The following ASTN1 variants were observed in gnomAD, a reference collection of about 807,000 sequenced individuals.
ASTN1 encodes the protein astrotactin-1.
ASTN1 carries 41 observed loss-of-function variants against 140.7 expected under a neutral mutation model. The ratio of observed to expected loss-of-function variants is 0.29; its 90% CI spans 0.23 to 0.38. ASTN1 has a LOEUF of 0.38. Ranked by LOEUF, ASTN1 falls within the 10% of genes least tolerant of loss-of-function variation. The probability of loss-of-function intolerance (pLI) is 1.00; values close to 1 mark genes in which losing one functional copy is unlikely to be tolerated. For missense variants in ASTN1, 1,479 were observed against 1,678.8 expected (o/e 0.88, Z 2.08); for synonymous variants, 640 against 652.2 (o/e 0.98, Z 0.29).
intron 8 of ASTN1, among the ~76,000 whole-genome samples, chr1:176,985,857 C>T (rs1673876324): frequency 6.8e-6 from 1 of 146,572 alleles, no homozygotes; most frequent in Non-Finnish European, 1.5e-5. Flanking sequence ...CACACACACA[C>T]ACACACACAC....
chr1:177,115,842 C>T (rs1681060854), intron 1 of ASTN1, among the ~76,000 whole-genome samples: 1 of 151,130 alleles, frequency 6.6e-6, no homozygotes. Flanking sequence ...TTCAGGTCTT[C>T]CTCTATGCCG....
intron 1 of ASTN1, among the ~76,000 whole-genome samples, chr1:177,110,631 A>G (rs372800420): frequency 7.9e-5 from 12 of 152,322 alleles, no homozygotes; most frequent in African/African-American, 2.6e-4. Flanking sequence ...GCTGAATGTA[A>G]CTTTTCACTC....
downstream of ASTN1, among the ~76,000 whole-genome samples, chr1:176,859,366 C>T (rs1340677499): frequency 1.3e-5 from 2 of 152,120 alleles, no homozygotes; most frequent in Admixed American, 1.3e-4. Flanking sequence ...TGGATGTAGC[C>T]CAGCCTCCAT....
chr1:176,982,160 G>C (rs1373585952), intron 8 of ASTN1, among the ~76,000 whole-genome samples: 1 of 152,196 alleles, frequency 6.6e-6, no homozygotes, highest in Non-Finnish European at 1.5e-5. Flanking sequence ...TTCTCCAGGG[G>C]ACTGGCCAAC....
chr1:176,875,487 T>A (rs774098941), intron 21 of ASTN1, among the ~76,000 whole-genome samples: 1 of 152,238 alleles, frequency 6.6e-6, no homozygotes, highest in African/African-American at 2.4e-5. Context: ...AGATTAAAGA[T>A]GAAAATCTTT....
At position 177,008,928 on chromosome 1, in the gene ASTN1, G is replaced by A. The variant is rs1675148247; in HGVS notation, c.1523+5863C>T. The stretch of plus-strand genomic sequence containing the variant: ...TGAGAGGTCGGATGAAGGTGAACGG[G>A]ACAGCAGTGACATGGAAACCAGCAA... On this transcript the variant is annotated intron_variant, in intron 8 of 22. Transcript: ENST00000361833. Among the ~76,000 whole-genome samples, 6 of 152,150 alleles carry A rather than the reference G, an allele frequency of 3.9e-5. No individual in the cohort carries two copies. The South Asian group carries it at 1.2e-3, about 32-fold the overall frequency.
intron 1 of ASTN1, among the ~76,000 whole-genome samples, chr1:177,154,364 A>G (rs1477959269): frequency 6.6e-6 from 1 of 152,186 alleles, no homozygotes; most frequent in Non-Finnish European, 1.5e-5. Context: ...TTTAAAATTA[A>G]ACTCATTAAA....
At chr1:177,138,519 A>G (rs968055267) in intron 1 of ASTN1, among the ~76,000 whole-genome samples, 5 of 152,176 alleles carry the variant, frequency 3.3e-5, no homozygotes, top group African/African-American at 1.2e-4. Flanking sequence ...GAGGCTGCTG[A>G]CCCAGATATA....
intron 1 of ASTN1, among the ~76,000 whole-genome samples, chr1:177,084,277 C>G (rs1300549660): frequency 6.6e-6 from 1 of 152,162 alleles, no homozygotes; most frequent in Non-Finnish European, 1.5e-5. Context: ...GGGCAAGAGA[C>G]CCATCTAGTT....
chr1:177,107,958 G>T lies in ASTN1; in HGVS notation c.284-46693C>A, dbSNP rs552678518. On this transcript the variant is annotated intron_variant, in intron 1 of 22. Transcript: ENST00000361833. ...TAAGGGATGTTACAAAAGGGAAGAAGTTGCAATCAATTTAACCAACAGTTG... is the reference window on the plus strand; with the variant it reads ...TAAGGGATGTTACAAAAGGGAAGAATTTGCAATCAATTTAACCAACAGTTG... Among the ~76,000 whole-genome samples, 274 of 152,242 alleles carry T rather than the reference G, an allele frequency of 1.8e-3. 2 individuals carry two copies. The highest frequency in any genetic ancestry group is 2.7e-3 in the Non-Finnish European group (187 of 68,002).
downstream of ASTN1, among the ~76,000 whole-genome samples, chr1:176,859,278 T>G (rs1430602244): frequency 6.6e-6 from 1 of 152,166 alleles, no homozygotes; most frequent in East Asian, 1.9e-4. Flanking sequence ...TCAGAAGTAT[T>G]AGGATACAGT....
At chr1:177,034,986 A>G (rs1274800211) in intron 2 of ASTN1, among the ~76,000 whole-genome samples, 4 of 152,176 alleles carry the variant, frequency 2.6e-5, no homozygotes, top group African/African-American at 9.7e-5. Flanking sequence ...CTCCTTTCAG[A>G]TGATCACAAC....
At position 176,882,988 on chromosome 1, in the gene ASTN1, A is replaced by T; in HGVS notation, c.3233T>A (p.Val1078Glu). 2 of 1,614,160 alleles carry T rather than the reference A, an allele frequency of 1.2e-6. No individual in the cohort carries two copies. Among genetic ancestry groups the T allele is most frequent in the Non-Finnish European group, 1.7e-6 (2 of 1,180,020 alleles). Residue 1078 changes from valine (V) to glutamate (E), a missense_variant, in exon 20 of 23, where the codon GTG becomes GAG. Coordinates refer to ENST00000361833, the MANE Select transcript of ASTN1 (RefSeq NM_004319.3). ...MDHSKVETET[V>E]LSFVDDIISG... The stretch of plus-strand genomic sequence containing the variant: ...GATGATGTCGTCCACAAAGCTCAGC[A>T]CTGTTTCTGCCCAGAGGAGAAGGAA...
intron 8 of ASTN1, among the ~76,000 whole-genome samples, chr1:177,008,454 G>GAAGAGAGAGA (rs1163184348): frequency 3.4e-5 from 5 of 146,430 alleles, no homozygotes; most frequent in Non-Finnish European, 7.5e-5. Flanking sequence ...AGAGGGAGAG[G>GAAGAGAGAGA]GAGAGGAAGA....
intron 1 of ASTN1, among the ~76,000 whole-genome samples, chr1:177,071,484 T>A (rs148912732): frequency 6.6e-6 from 1 of 152,218 alleles, no homozygotes; most frequent in Non-Finnish European, 1.5e-5. Context: ...TCATCATAAA[T>A]GCCAAGAAGT....
intron 16 of ASTN1, among the ~76,000 whole-genome samples, chr1:176,901,173 T>G (rs938362057): frequency 6.6e-6 from 1 of 152,188 alleles, no homozygotes; most frequent in African/African-American, 2.4e-5. Context: ...TCTACTACTT[T>G]TGGGTGCAAA....
At chr1:176,990,237 G>A (rs1448798904) in intron 8 of ASTN1, among the ~76,000 whole-genome samples, 2 of 146,298 alleles carry the variant, frequency 1.4e-5, no homozygotes, top group Non-Finnish European at 3.0e-5. Flanking sequence ...CACAGCAGGG[G>A]TGGGGGGGTG....
intron 2 of ASTN1, among the ~76,000 whole-genome samples, chr1:177,059,958 A>G (rs916884173): frequency 6.6e-6 from 1 of 152,252 alleles, no homozygotes; most frequent in Non-Finnish European, 1.5e-5. Context: ...CTAAGAGCAG[A>G]CAATGTATTT....
chr1:177,031,624 CTA>C (rs1676450914), intron 3 of ASTN1, among the ~76,000 whole-genome samples: 1 of 152,182 alleles, frequency 6.6e-6, no homozygotes, highest in African/African-American at 2.4e-5. Context: ...ATAAAAACCT[CTA>C]TGTGATTCCA....
Sources: allele counts gnomAD v4.1 joint callset (sites outside exome capture counted in the v4.1 genomes callset), GRCh38; gene constraint gnomAD v4.1.1; transcripts MANE v1.5; gene names NCBI Gene and HGNC (gene_info 2026-07-23, HGNC 2026-07-21).